Variants in MYBPC1 observed in about 807,000 individuals in gnomAD.
The protein encoded by MYBPC1 is myosin-binding protein C, slow-type.
Under a neutral mutation model 147.1 loss-of-function variants are expected in MYBPC1, and 52 were observed. That is an observed-to-expected ratio of 0.35 (90% CI 0.28 to 0.45). The LOEUF (loss-of-function observed/expected upper bound fraction) is 0.45, where lower values mean the gene tolerates loss of function less well. Ranked by LOEUF, MYBPC1 falls within the 20% of genes least tolerant of loss-of-function variation. The probability of loss-of-function intolerance (pLI) is 1.00; values close to 1 mark genes in which losing one functional copy is unlikely to be tolerated. For synonymous variants in MYBPC1, 477 were observed against 475.9 expected (o/e 1.00, Z -0.03); for missense variants, 1,228 against 1,440.3 (o/e 0.85, Z 2.39).
intron 26 of MYBPC1, among the ~76,000 whole-genome samples, chr12:101,676,300 A>G (rs1399307298): frequency 6.6e-6 from 1 of 152,138 alleles, no homozygotes; most frequent in Admixed American, 6.6e-5. Context: ...AAAGATCACC[A>G]GATTTTCTCA....
chr12:101,653,040 T>C (rs1326885775), intron 17 of MYBPC1, 75 bp from the exon 18 acceptor site: 2 of 1,555,144 alleles, frequency 1.3e-6, no homozygotes, highest in Non-Finnish European at 1.8e-6. Flanking sequence ...ACTACCATCA[T>C]ACTAGCCAAA....
the MYBPC1 span, among the ~76,000 whole-genome samples, chr12:101,691,519 T>C: frequency 6.6e-6 from 1 of 152,144 alleles, no homozygotes; most frequent in African/African-American, 2.4e-5. Flanking sequence ...GGCCTAGAGA[T>C]TGAGGATGTT....
At chr12:101,679,455 T>C (rs1436891045) in intron 28 of MYBPC1, among the ~76,000 whole-genome samples, 1 of 152,092 alleles carries the variant, frequency 6.6e-6, no homozygotes, top group African/African-American at 2.4e-5. Flanking sequence ...ACAGAAAAGG[T>C]GCCATCTCTA....
intron 28 of MYBPC1, 117 bp from the exon 29 acceptor site, chr12:101,680,226 C>A: frequency 2.0e-6 from 2 of 984,996 alleles, no homozygotes; most frequent in Non-Finnish European, 3.1e-6. Context: ...GTCTATCCTT[C>A]TCAGATGCAC....
At chr12:101,673,697 G>A (rs576797642) in intron 25 of MYBPC1, 75 bp downstream of exon 25, 15 of 1,517,750 alleles carry the variant, frequency 9.9e-6, no homozygotes, top group South Asian at 6.8e-5. Flanking sequence ...CCTAAGGCAA[G>A]AGCAGGAGTT....
intron 30 of MYBPC1, among the ~76,000 whole-genome samples, chr12:101,683,289 G>T (rs543394643): frequency 1.3e-5 from 2 of 152,230 alleles, no homozygotes; most frequent in South Asian, 4.1e-4. Flanking sequence ...ACTTAGCCAG[G>T]TGTGGTGGCA....
At chr12:101,605,996 A>C (rs1881991994) in intron 1 of MYBPC1, among the ~76,000 whole-genome samples, 1 of 152,106 alleles carries the variant, frequency 6.6e-6, no homozygotes, top group Non-Finnish European at 1.5e-5. Flanking sequence ...GGAGTTCGAG[A>C]CCAGCCTGAG....
At chr12:101,663,383 T>C (rs771640486) in intron 21 of MYBPC1, 43 bp from the exon 22 acceptor site, 4 of 1,543,378 alleles carry the variant, frequency 2.6e-6, no homozygotes, top group African/African-American at 1.4e-5. Context: ...ACTATAGCTG[T>C]GTAGTAAATA....
At chr12:101,693,926 G>A in the MYBPC1 span, among the ~76,000 whole-genome samples, 1 of 152,196 alleles carries the variant, frequency 6.6e-6, no homozygotes, top group Non-Finnish European at 1.5e-5. Context: ...GAAGAAAGGA[G>A]CATAGCAGCC....
At chr12:101,687,800 G>T (rs1265763098), downstream of MYBPC1, among the ~76,000 whole-genome samples, 4 of 151,662 alleles carry the variant, frequency 2.6e-5, no homozygotes, top group Non-Finnish European at 5.9e-5. Flanking sequence ...CTGCTTATAC[G>T]TGTATGGTTT....
In MYBPC1 at chr12:101,673,597, C is replaced by T. The variant is rs779597420; in HGVS notation, c.2784C>T (p.Thr928=). 25 of 1,613,908 alleles carry T rather than the reference C, an allele frequency of 1.5e-5. No individual in the cohort carries two copies. Among genetic ancestry groups the T allele is most frequent in the Admixed American group, 1.0e-4 (6 of 59,972 alleles). The part of the protein sequence containing the change: ...LQVKVDKFVE[T]ASIDIQIIDR... ...TCAAAGTGGACAAATTCGTGGAGAC[C>T]GCATCAATTGACATCCAGATCATTG... The change falls in exon 25 of 32, where the codon ACC becomes ACT. Residue 928 remains threonine, a synonymous_variant. Transcript: ENST00000361466.
intron 2 of MYBPC1, chr12:101,615,083 C>A: frequency 5.8e-6 from 1 of 172,510 alleles, no homozygotes; most frequent in Non-Finnish European, 1.3e-5. Flanking sequence ...ACCATATTGT[C>A]CACCAGCTGG....
chr12:101,671,331 A>ACAAT (rs1898652763), intron 24 of MYBPC1, among the ~76,000 whole-genome samples: 1 of 117,142 alleles, frequency 8.5e-6, no homozygotes, highest in South Asian at 2.5e-4. Context: ...ACACACACAC[A>ACAAT]CACACACTCA....
chr12:101,631,403 G>A (rs1889855532), intron 6 of MYBPC1, among the ~76,000 whole-genome samples, 168 bp from the exon 7 acceptor site: 1 of 152,108 alleles, frequency 6.6e-6, no homozygotes, highest in South Asian at 2.1e-4. Context: ...GACAGCCTAA[G>A]GACCTCTAGA....
At chr12:101,607,818 G>A (rs907102127) in intron 1 of MYBPC1, among the ~76,000 whole-genome samples, 1 of 152,130 alleles carries the variant, frequency 6.6e-6, no homozygotes, top group South Asian at 2.1e-4. Context: ...GTGTATAGAC[G>A]CAGACATATA....
intron 1 of MYBPC1, chr12:101,600,373 T>A (rs781775972): frequency 4.6e-5 from 7 of 151,962 alleles, no homozygotes; most frequent in African/African-American, 9.7e-5. Context: ...TTTCAAAGTA[T>A]CCCCGAATCA....
intron 3 of MYBPC1, among the ~76,000 whole-genome samples, chr12:101,618,712 TTA>T (rs1333172689): frequency 1.3e-5 from 2 of 152,118 alleles, no homozygotes; most frequent in Non-Finnish European, 2.9e-5. Flanking sequence ...AAAAACTCTT[TTA>T]TTTATGGAGA....
At position 101,631,996 on chromosome 12, in the gene MYBPC1, T is replaced by C. The variant is rs754162551; in HGVS notation, c.439-25T>C. The C allele has an allele frequency of 4.6e-6, 7 of 1,536,752 alleles. No homozygotes were observed. In the East Asian group the frequency reaches 1.3e-4, roughly 30 times the overall value. On this transcript the variant is annotated intron_variant, in intron 7 of 31. Coordinates refer to ENST00000361466, the MANE Select transcript of MYBPC1 (RefSeq NM_002465.4). ...AATTTGGAAAATAAACTGAAATGTG[T>C]GTGTCTGGATGCATTTCATTGCAGG...
chr12:101,660,093 C>A, intron 19 of MYBPC1: 1 of 496,488 alleles, frequency 2.0e-6, no homozygotes. Flanking sequence ...TAAATAACTT[C>A]CCACATCACA....
Sources: gnomAD v4.1 joint callset for allele counts (sites outside exome capture counted in the v4.1 genomes callset) on GRCh38, gnomAD v4.1.1 for gene constraint, MANE v1.5 for transcripts, NCBI Gene and HGNC (gene_info 2026-07-23, HGNC 2026-07-21) for gene names.